Variants in PCDHGA5 observed in about 807,000 individuals in gnomAD.
The protein encoded by PCDHGA5 is protocadherin gamma-A5.
PCDHGA5 carries 36 observed loss-of-function variants against 56.7 expected under a neutral mutation model. The observed-to-expected ratio is 0.64, with a 90% CI of 0.49 to 0.84. The LOEUF (loss-of-function observed/expected upper bound fraction) is 0.84. Among genes scored for constraint, PCDHGA5 ranks in the 40% least tolerant of loss-of-function variants. The probability of loss-of-function intolerance (pLI) is 0.00; values close to 1 mark genes in which losing one functional copy is unlikely to be tolerated. For missense variants in PCDHGA5, 1,305 were observed against 1,201.5 expected (o/e 1.09, Z -1.27); for synonymous variants, 563 against 520.2 (o/e 1.08, Z -1.12).
Position 141,432,433 on chromosome 5 carries a change from T to C in PCDHGA5, c.2422-62374T>C, listed in dbSNP as rs760107558. 10 of 1,613,996 alleles carry C rather than the reference T, an allele frequency of 6.2e-6. No individual in the cohort carries two copies. The South Asian group carries it at 8.8e-5, about 14-fold the overall frequency. ...TGTTCGTGCTGGACCAGAACGACAA[T>C]GCGCCCGAGATCCTGTACCCCGCCC... On this transcript the variant is annotated intron_variant, in intron 1 of 3. Transcript: ENST00000518069. This position sits in a 1 kb window ranked among gnomAD's most constrained non-coding sequence, Gnocchi z 6.0.
At chr5:141,399,501 C>G in intron 1 of PCDHGA5, 1 of 1,614,030 alleles carries the variant, frequency 6.2e-7, no homozygotes, top group South Asian at 1.1e-5. Flanking sequence ...TCAGTGTACC[C>G]GAAAACAACC....
At chr5:141,500,947 C>T (rs933082173) in intron 2 of PCDHGA5, among the ~76,000 whole-genome samples, 15 of 151,822 alleles carry the variant, frequency 9.9e-5, no homozygotes, top group African/African-American at 3.6e-4. Context: ...CGGCTCACTG[C>T]AAGCTCCACC....
At chr5:141,376,676 G>GTTTTGTT in intron 1 of PCDHGA5, 5 of 306,022 alleles carry the variant, frequency 1.6e-5, no homozygotes, top group Non-Finnish European at 1.1e-5. Flanking sequence ...TGAGGGTATC[G>GTTTTGTT]TTTTTTTTTT....
chr5:141,430,578 C>A (rs1561846151), intron 1 of PCDHGA5: 8 of 470,816 alleles, frequency 1.7e-5, no homozygotes, highest in East Asian at 1.0e-4. Flanking sequence ...AGCGGAGATC[C>A]TGCTCGCCTT....
intron 1 of PCDHGA5, chr5:141,428,860 CT>C (rs34152666): frequency 0.3 from 42,955 of 145,250 alleles, 7,185 homozygotes; most frequent in African/African-American, 0.5. Flanking sequence ...TTACGGGAGA[CT>C]TTTTTTTTTT....
At chr5:141,438,621 T>C (rs1164140266) in intron 1 of PCDHGA5, among the ~76,000 whole-genome samples, 4 of 41,368 alleles carry the variant, frequency 9.7e-5, no homozygotes, top group Admixed American at 3.5e-4. Flanking sequence ...TATATATATA[T>C]ATATATATAT....
In PCDHGA5 at chr5:141,404,936, G is replaced by A. The variant is rs755365273; in HGVS notation, c.2421+38185G>A. ...TCTCTCGGCCACTGTCACGCTCACA[G>A]TAGCCATAGCTGACAGCATCCCAGA... is the stretch of plus-strand genomic sequence containing the variant. On this transcript the variant is annotated intron_variant, in intron 1 of 3. Coordinates refer to ENST00000518069, the MANE Select transcript of PCDHGA5 (RefSeq NM_018918.3). 1.9e-6 allele frequency: 3 copies of A among 1,613,858 alleles called. No individual in the cohort carries two copies. The South Asian group carries it at 3.3e-5, about 18-fold the overall frequency.
At position 141,384,825 on chromosome 5, in the gene PCDHGA5, C is replaced by T. The variant is rs570988671; in HGVS notation, c.2421+18074C>T. On this transcript the variant is annotated intron_variant, in intron 1 of 3. Transcript: ENST00000518069. ...ACAGAGATGCCCTCAAGCAGAGCCT[C>T]GTGGTGGCCGTCCAGGACCACGGTC... The T allele has an allele frequency of 5.0e-6, 8 of 1,613,474 alleles. No homozygotes were observed. The African/African-American group carries it at 9.3e-5, about 19-fold the overall frequency.
intron 1 of PCDHGA5, chr5:141,410,680 G>A: frequency 6.5e-7 from 1 of 1,535,692 alleles, no homozygotes; most frequent in Non-Finnish European, 8.7e-7. Flanking sequence ...TCATATTTTA[G>A]GCATACTACT....
chr5:141,413,319 C>T, intron 1 of PCDHGA5: 1 of 1,613,960 alleles, frequency 6.2e-7, no homozygotes, highest in South Asian at 1.1e-5. Context: ...AAGGCTCTTT[C>T]GTGGGCAACA....
At chr5:141,458,891 G>A (rs775720263) in intron 1 of PCDHGA5, among the ~76,000 whole-genome samples, 10 of 151,976 alleles carry the variant, frequency 6.6e-5, no homozygotes, top group South Asian at 2.1e-4. Context: ...CACACCATGC[G>A]CAGCTAATTT....
rs1763362832 is a variant in PCDHGA5, at chr5:141,364,499, C to T, written c.169C>T (p.Gln57Ter). 6.2e-7 allele frequency: 1 copy of T among 1,614,006 alleles called. No individual in the cohort carries two copies. The highest frequency in any genetic ancestry group is 8.5e-7 in the Non-Finnish European group (1 of 1,179,906). Residue 57 changes from glutamine (Q) to a stop codon, truncating the protein, a stop_gained, in exon 1 of 4, where the codon CAG becomes TAG. Coordinates refer to ENST00000518069, the MANE Select transcript of PCDHGA5 (RefSeq NM_018918.3). LOFTEE classifies it high-confidence loss of function. ...AGCCAAGGACCTTGGGCTGGAGCCC[C>T]AGGAGCTGGCGGAGCGCGGAGTCCG... ...NIAKDLGLEP[Q>*]ELAERGVRIV...
At chr5:141,393,399 C>A in intron 1 of PCDHGA5, 2 of 1,614,028 alleles carry the variant, frequency 1.2e-6, no homozygotes, top group Non-Finnish European at 1.7e-6. Context: ...AGAGCTGGTG[C>A]TGGAGCGCGC....
At chr5:141,374,158 G>T in intron 1 of PCDHGA5, 1 of 1,612,410 alleles carries the variant, frequency 6.2e-7, no homozygotes, top group Non-Finnish European at 8.5e-7. Flanking sequence ...CGCTGTGGGG[G>T]GCCGCGGCAG....
intron 1 of PCDHGA5, among the ~76,000 whole-genome samples, chr5:141,380,589 G>C (rs1372737584): frequency 6.6e-6 from 1 of 152,156 alleles, no homozygotes; most frequent in South Asian, 2.1e-4. Flanking sequence ...GTCTAGTAAA[G>C]ATCTTTAATA....
At chr5:141,383,464 A>C (rs368298668) in intron 1 of PCDHGA5, 99 of 1,613,728 alleles carry the variant, frequency 6.1e-5, no homozygotes, top group Non-Finnish European at 8.2e-5. Context: ...AGACGATGAA[A>C]CTAAGTACCC....
chr5:141,382,789 T>A, intron 1 of PCDHGA5: 1 of 924,650 alleles, frequency 1.1e-6, no homozygotes, highest in Non-Finnish European at 1.6e-6. Flanking sequence ...CAAGCCTCTA[T>A]CCTGCTGGAT....
chr5:141,403,220 A>G (rs1340190547), intron 1 of PCDHGA5: 1 of 1,613,824 alleles, frequency 6.2e-7, no homozygotes, highest in Non-Finnish European at 8.5e-7. Context: ...CGCGGGTAGG[A>G]TAGACCGGGA....
intron 1 of PCDHGA5, chr5:141,403,178 T>C (rs1294905670): frequency 6.2e-7 from 1 of 1,613,980 alleles, no homozygotes; most frequent in Middle Eastern, 1.7e-4. Flanking sequence ...GCAGCTTTTC[T>C]CTCTGAACCC....
Sources: allele counts gnomAD v4.1 joint callset (sites outside exome capture counted in the v4.1 genomes callset), GRCh38; gene constraint gnomAD v4.1.1; non-coding constraint Gnocchi (gnomAD v3.1); transcripts MANE v1.5; gene names NCBI Gene and HGNC (gene_info 2026-07-23, HGNC 2026-07-21).